The following LDB2 variants were observed in gnomAD, a reference collection of about 807,000 sequenced individuals.
The protein encoded by LDB2 is LIM domain binding 2.
A neutral mutation model predicts 44.3 loss-of-function variants in LDB2; 12 were observed. The ratio of observed to expected loss-of-function variants is 0.27; its 90% CI spans 0.17 to 0.44. The LOEUF is 0.44. Among genes scored for constraint, LDB2 ranks in the 20% least tolerant of loss-of-function variants. The probability of loss-of-function intolerance (pLI) is 1.00; values close to 1 mark genes in which losing one functional copy is unlikely to be tolerated. For synonymous variants in LDB2, 164 were observed against 174.8 expected (o/e 0.94, Z 0.49); for missense variants, 344 against 473.5 (o/e 0.73, Z 2.54).
At chr4:16,774,931 T>C (rs1387826160) in intron 1 of LDB2, among the ~76,000 whole-genome samples, 1 of 152,110 alleles carries the variant, frequency 6.6e-6, no homozygotes, top group Non-Finnish European at 1.5e-5. Flanking sequence ...AAATGTGGTA[T>C]CTTCAGACAA....
chr4:16,594,491 T>C (rs1344756260), intron 3 of LDB2, among the ~76,000 whole-genome samples: 1 of 152,170 alleles, frequency 6.6e-6, no homozygotes, highest in East Asian at 1.9e-4. Context: ...AACCCTACCC[T>C]TTCCTACATT....
Position 16,585,989 on chromosome 4 carries a change from A to C in LDB2, c.548T>G (p.Val183Gly). 1 of 1,613,786 alleles carries C rather than the reference A, an allele frequency of 6.2e-7. No homozygotes were observed. Among genetic ancestry groups the C allele is most frequent in the Non-Finnish European group, 8.5e-7 (1 of 1,179,780 alleles). ...ILAMHAQDPQVLDQLSKNITR... is the reference protein window; with the variant it reads ...ILAMHAQDPQGLDQLSKNITR... ...GATGTTTTTGGACAGCTGATCCAGG[A>C]CCTGAGGATCTTGTGCCTAAATGGA... Residue 183 changes from valine (V) to glycine (G), a missense_variant, in exon 5 of 8, where the codon GTC becomes GGC. Val to Gly is a moderately radical substitution (Grantham distance 109). Transcript: ENST00000304523.
At chr4:16,547,360 C>T (rs535692556) in intron 5 of LDB2, among the ~76,000 whole-genome samples, 25 of 152,248 alleles carry the variant, frequency 1.6e-4, no homozygotes, top group South Asian at 1.0e-3. Flanking sequence ...TGCAAGGATA[C>T]GTTTCTGTTG....
At chr4:16,555,695 AAGGT>A (rs1429074784) in intron 5 of LDB2, among the ~76,000 whole-genome samples, 1 of 152,134 alleles carries the variant, frequency 6.6e-6, no homozygotes, top group African/African-American at 2.4e-5. Flanking sequence ...CTGATCCTCT[AAGGT>A]GGAGGCTCTC....
At chr4:16,525,276 G>A (rs1379370136) in intron 5 of LDB2, among the ~76,000 whole-genome samples, 1 of 152,196 alleles carries the variant, frequency 6.6e-6, no homozygotes, top group African/African-American at 2.4e-5. Flanking sequence ...TTCTGGGCAT[G>A]CCAAGTGTGG....
At chr4:16,579,409 T>C (rs1450839953) in intron 5 of LDB2, among the ~76,000 whole-genome samples, 1 of 152,148 alleles carries the variant, frequency 6.6e-6, no homozygotes, top group Non-Finnish European at 1.5e-5. Context: ...AAGATAATCA[T>C]TCATTAAAAA....
chr4:16,563,429 A>ATTTTTTTTTTTTTTTTT (rs1169491759), intron 5 of LDB2, among the ~76,000 whole-genome samples: 1 of 46,534 alleles, frequency 2.1e-5, no homozygotes, highest in East Asian at 5.2e-4. Context: ...CAGTCATCAG[A>ATTTTTTTTTTTTTTTTT]TTTTTTTTTT....
At chr4:16,509,130 TTAAA>T (rs1720724822) in intron 6 of LDB2, among the ~76,000 whole-genome samples, 1 of 152,170 alleles carries the variant, frequency 6.6e-6, no homozygotes, top group African/African-American at 2.4e-5. Flanking sequence ...AGTATGAACT[TTAAA>T]TAGCCAAATT....
intron 2 of LDB2, among the ~76,000 whole-genome samples, chr4:16,597,839 T>C (rs1208619659): frequency 1.3e-5 from 2 of 152,220 alleles, no homozygotes. Flanking sequence ...TCTTTAAGTT[T>C]AAACCTAAGT....
intron 5 of LDB2, among the ~76,000 whole-genome samples, chr4:16,528,337 C>T (rs534104582): frequency 1.2e-4 from 18 of 152,220 alleles, no homozygotes; most frequent in East Asian, 9.7e-4. Context: ...AAATACCACC[C>T]GTTCTTCAAA....
intron 1 of LDB2, among the ~76,000 whole-genome samples, chr4:16,811,116 C>G (rs1002445001): frequency 6.6e-6 from 1 of 152,122 alleles, no homozygotes; most frequent in Admixed American, 6.5e-5. Context: ...GTCTATGGCC[C>G]GGGGGTTAAG....
intron 1 of LDB2, among the ~76,000 whole-genome samples, chr4:16,803,831 G>C (rs898877697): frequency 3.9e-5 from 6 of 152,154 alleles, no homozygotes; most frequent in Non-Finnish European, 1.5e-5. Flanking sequence ...AAGCACAGAG[G>C]AATTGCTTAA....
chr4:16,755,973 C>T (rs548098638), intron 2 of LDB2, among the ~76,000 whole-genome samples: 2 of 152,336 alleles, frequency 1.3e-5, no homozygotes, highest in Admixed American at 1.3e-4. Flanking sequence ...CCAATCATAT[C>T]TCACCTGGGC....
At chr4:16,649,549 T>C (rs1391994764) in intron 2 of LDB2, among the ~76,000 whole-genome samples, 1 of 152,222 alleles carries the variant, frequency 6.6e-6, no homozygotes, top group Non-Finnish European at 1.5e-5. Context: ...CCATTACATA[T>C]GCATTAAGAC....
intron 5 of LDB2, among the ~76,000 whole-genome samples, chr4:16,534,467 C>G (rs990765455): frequency 1.4e-4 from 21 of 152,188 alleles, no homozygotes; most frequent in African/African-American, 4.8e-4. Context: ...GTAAGGGAAG[C>G]GCGTGTTTTA....
chr4:16,505,833 CA>C (rs1471504666), intron 7 of LDB2: 4 of 1,541,574 alleles, frequency 2.6e-6, no homozygotes, highest in Non-Finnish European at 3.5e-6. Flanking sequence ...GTGCAAAGAC[CA>C]CCAACCTCTG....
At chr4:16,534,588 C>G (rs1731156972) in intron 5 of LDB2, among the ~76,000 whole-genome samples, 1 of 152,162 alleles carries the variant, frequency 6.6e-6, no homozygotes, top group South Asian at 2.1e-4. Flanking sequence ...AGGGCTTCTG[C>G]TTTTTCCGTA....
chr4:16,628,496 G>A (rs566499233), intron 2 of LDB2, among the ~76,000 whole-genome samples: 1 of 152,184 alleles, frequency 6.6e-6, no homozygotes, highest in African/African-American at 2.4e-5. Context: ...GATGAGAAAG[G>A]TAACTTTTGG....
chr4:16,811,927 G>T (rs1246482746), intron 1 of LDB2, among the ~76,000 whole-genome samples: 2 of 152,104 alleles, frequency 1.3e-5, no homozygotes, highest in African/African-American at 4.8e-5. Flanking sequence ...ATAGGATTGT[G>T]GACATTTTTC....
Sources: allele counts gnomAD v4.1 joint callset (sites outside exome capture counted in the v4.1 genomes callset), GRCh38; gene constraint gnomAD v4.1.1; transcripts MANE v1.5; gene names NCBI Gene and HGNC (gene_info 2026-07-23, HGNC 2026-07-21).